The following KLF8 variants were observed in gnomAD, a reference collection of about 807,000 sequenced individuals.
KLF8 encodes Krueppel-like factor 8.
A neutral mutation model predicts 18.2 loss-of-function variants in KLF8; 10 were observed. The ratio of observed to expected loss-of-function variants is 0.55; its 90% CI spans 0.34 to 0.93. The LOEUF (loss-of-function observed/expected upper bound fraction) is 0.93. Among genes scored for constraint, KLF8 ranks in the 40% least tolerant of loss-of-function variants. The pLI is 0.02. For missense variants in KLF8, 264 were observed against 277.9 expected (o/e 0.95, Z 0.36); for synonymous variants, 109 against 97.3 (o/e 1.12, Z -0.71).
chrX:56,172,796 T>C, the KLF8 span, among the ~76,000 whole-genome samples: 1 of 111,996 alleles, frequency 8.9e-6, no homozygotes, highest in African/African-American at 3.2e-5. Context: ...ATAATCGCCA[T>C]TGTAACTGGT....
At chrX:56,252,162 G>A (rs1276980006) in intron 2 of KLF8, among the ~76,000 whole-genome samples, 7 of 110,678 alleles carry the variant, frequency 6.3e-5, no homozygotes, top group African/African-American at 9.9e-5. Flanking sequence ...ACAGGCACAT[G>A]CCACCACGCC....
At chrX:56,142,063 T>C in the KLF8 span, among the ~76,000 whole-genome samples, 2 of 112,103 alleles carry the variant, frequency 1.8e-5, no homozygotes, top group African/African-American at 6.5e-5. Flanking sequence ...TTTTTATTTA[T>C]CTATCAGAAC....
At chrX:56,103,604 A>AT in the KLF8 span, among the ~76,000 whole-genome samples, 4 of 111,493 alleles carry the variant, frequency 3.6e-5, no homozygotes, top group South Asian at 1.5e-3. Context: ...GCTTAAGGAG[A>AT]TTTTGGGCTG....
the KLF8 span, among the ~76,000 whole-genome samples, chrX:55,938,233 G>T: frequency 8.9e-6 from 1 of 111,843 alleles, no homozygotes; most frequent in African/African-American, 3.3e-5. Context: ...CATTCTTAAA[G>T]AAAAGAATTT....
chrX:56,194,933 C>A, the KLF8 span, among the ~76,000 whole-genome samples: 4 of 112,419 alleles, frequency 3.6e-5, no homozygotes, highest in Middle Eastern at 4.6e-3. Context: ...GATACCCAGG[C>A]AAACAGGGTC....
intron 2 of KLF8, among the ~76,000 whole-genome samples, chrX:56,261,779 G>A (rs749997588): frequency 9.9e-5 from 11 of 111,051 alleles, no homozygotes; most frequent in African/African-American, 2.9e-4. Context: ...AAATTATTTT[G>A]ATCATATTGA....
At chrX:56,167,384 C>T in the KLF8 span, among the ~76,000 whole-genome samples, 42 of 112,098 alleles carry the variant, frequency 3.7e-4, no homozygotes, top group Non-Finnish European at 6.0e-4. Flanking sequence ...CTCGTCTATG[C>T]CTCCCAAAGT....
chrX:55,997,582 G>C, the KLF8 span, among the ~76,000 whole-genome samples: 1 of 111,747 alleles, frequency 8.9e-6, no homozygotes, highest in South Asian at 3.7e-4. Flanking sequence ...CCCAGGTTCT[G>C]TGTCCTCCCT....
the KLF8 span, among the ~76,000 whole-genome samples, chrX:55,959,195 A>G: frequency 3.6e-5 from 4 of 112,354 alleles, no homozygotes. Flanking sequence ...AATGAAGCCA[A>G]TAGACTAAAA....
chrX:56,221,526 G>C, the KLF8 span, among the ~76,000 whole-genome samples: 3 of 111,545 alleles, frequency 2.7e-5, no homozygotes, highest in Non-Finnish European at 3.8e-5. Context: ...CTTAAAGGCA[G>C]CGTGTCAGGA....
chrX:56,190,826 G>A, the KLF8 span, among the ~76,000 whole-genome samples: 1 of 111,331 alleles, frequency 9.0e-6, no homozygotes, highest in Non-Finnish European at 1.9e-5. Context: ...CCAGTATGAA[G>A]AAGGAAGTTG....
the KLF8 span, among the ~76,000 whole-genome samples, chrX:56,217,267 C>T: frequency 9.0e-6 from 1 of 111,327 alleles, no homozygotes; most frequent in Non-Finnish European, 1.9e-5. Flanking sequence ...CACTAGAAAC[C>T]AGCAATATGG....
At chrX:55,957,624 C>G in the KLF8 span, among the ~76,000 whole-genome samples, 1 of 111,287 alleles carries the variant, frequency 9.0e-6, no homozygotes, top group Non-Finnish European at 1.9e-5. Flanking sequence ...TTAGGTTTAT[C>G]CTTAAGTATT....
chrX:56,197,079 G>A, the KLF8 span, among the ~76,000 whole-genome samples: 25 of 111,143 alleles, frequency 2.2e-4, no homozygotes, highest in African/African-American at 7.9e-4. Context: ...AGAATATCAG[G>A]GACACATTTA....
intron 5 of KLF8, among the ~76,000 whole-genome samples, chrX:56,283,440 C>T (rs2067227537): frequency 8.9e-6 from 1 of 111,751 alleles, no homozygotes; most frequent in African/African-American, 3.3e-5. Flanking sequence ...GGCGCAATCT[C>T]GGCTCACTGC....
At chrX:56,185,325 A>G in the KLF8 span, among the ~76,000 whole-genome samples, 4 of 111,990 alleles carry the variant, frequency 3.6e-5, no homozygotes, top group Admixed American at 1.9e-4. Flanking sequence ...GTTTAGAGAA[A>G]AAAGAATAAA....
the KLF8 span, among the ~76,000 whole-genome samples, chrX:56,220,145 C>A: frequency 1.8e-5 from 2 of 112,367 alleles, no homozygotes; most frequent in Admixed American, 1.9e-4. Context: ...CTGTGGATCA[C>A]TTGTCGGTTT....
chrX:56,085,551 C>G, the KLF8 span, among the ~76,000 whole-genome samples: 10 of 112,241 alleles, frequency 8.9e-5, no homozygotes, highest in Non-Finnish European at 1.9e-4. Context: ...ATTAGTTGGA[C>G]AGAGTAACCT....
chrX:55,967,875 A>G, the KLF8 span, among the ~76,000 whole-genome samples: 1 of 111,824 alleles, frequency 8.9e-6, no homozygotes, highest in Non-Finnish European at 1.9e-5. Flanking sequence ...AAAAGTGGGG[A>G]GATGAAGTTA....
Sources: gnomAD v4.1 joint callset for allele counts (sites outside exome capture counted in the v4.1 genomes callset) on GRCh38, gnomAD v4.1.1 for gene constraint, MANE v1.5 for transcripts, NCBI Gene and HGNC (gene_info 2026-07-23, HGNC 2026-07-21) for gene names.